Variants in NR3C2 observed in about 807,000 individuals in gnomAD.
NR3C2 encodes nuclear receptor subfamily 3 group C member 2, also known as mineralocorticoid receptor.
Under a neutral mutation model 86.4 loss-of-function variants are expected in NR3C2, and 15 were observed. The ratio of observed to expected loss-of-function variants is 0.17; its 90% CI spans 0.12 to 0.27. The LOEUF (loss-of-function observed/expected upper bound fraction) is 0.27. NR3C2 is among the 10% of genes least tolerant of loss of function. The pLI, the probability that NR3C2 is intolerant of heterozygous loss-of-function variation, is 1.00. For synonymous variants in NR3C2, 458 were observed against 450.5 expected, an observed-to-expected ratio of 1.02 and a Z score of -0.21; for missense variants, 960 against 1,195.6, an observed-to-expected ratio of 0.80 and a Z score of 2.91.
At chr4:148,125,830 A>G (rs1425899074) in intron 6 of NR3C2, among the ~76,000 whole-genome samples, 2 of 152,262 alleles carry the variant, frequency 1.3e-5, no homozygotes, top group African/African-American at 4.8e-5. Context: ...CTATGAAAAC[A>G]TACAGATTTG....
intron 2 of NR3C2, among the ~76,000 whole-genome samples, chr4:148,377,951 C>T (rs919374888): frequency 2.0e-5 from 3 of 152,058 alleles, no homozygotes; most frequent in African/African-American, 7.2e-5. Context: ...GCATGGAAGC[C>T]TTAGTGTCAA....
intron 2 of NR3C2, among the ~76,000 whole-genome samples, chr4:148,431,095 CCT>C (rs775593014): frequency 2.6e-5 from 4 of 152,116 alleles, no homozygotes; most frequent in East Asian, 3.9e-4. Context: ...ACAGAAATGC[CCT>C]GTTTCCATGA....
At chr4:148,337,253 T>C (rs1217575600) in intron 2 of NR3C2, among the ~76,000 whole-genome samples, 1 of 152,240 alleles carries the variant, frequency 6.6e-6, no homozygotes, top group East Asian at 1.9e-4. Context: ...TCTTTTTCAG[T>C]GGCATGGGAA....
intron 3 of NR3C2, among the ~76,000 whole-genome samples, chr4:148,214,856 A>G (rs1410796958): frequency 4.0e-5 from 6 of 151,742 alleles, no homozygotes; most frequent in Non-Finnish European, 7.3e-5. Flanking sequence ...GCAAATAATT[A>G]AAAACGTTAA....
At chr4:148,432,144 G>A (rs1431490955) in intron 2 of NR3C2, among the ~76,000 whole-genome samples, 1 of 152,124 alleles carries the variant, frequency 6.6e-6, no homozygotes, top group Non-Finnish European at 1.5e-5. Context: ...AATCCTTAGT[G>A]AGAAGAGTGG....
chr4:148,397,313 C>T lies in NR3C2; in HGVS notation c.1757+37791G>A, dbSNP rs61756943. Among the ~76,000 whole-genome samples the T allele has an allele frequency of 6.2e-3, 947 of 152,334 alleles. 1 individual carries two copies. The highest frequency in any genetic ancestry group is 9.9e-3 in the Non-Finnish European group (672 of 68,040). On this transcript the variant is annotated intron_variant, in intron 2 of 8. Coordinates refer to ENST00000358102, the MANE Select transcript of NR3C2 (RefSeq NM_000901.5). ...AGCCATGGGCTTTCATCTTGACTGT[C>T]CTTTCATCGTGGCTGACTGTCCTTC...
intron 2 of NR3C2, among the ~76,000 whole-genome samples, chr4:148,378,074 T>A (rs1746768014): frequency 6.6e-6 from 1 of 152,184 alleles, no homozygotes; most frequent in Admixed American, 6.5e-5. Context: ...TAATCACTGG[T>A]TCCTTCACAT....
intron 2 of NR3C2, among the ~76,000 whole-genome samples, chr4:148,406,105 G>A (rs539859946): frequency 1.3e-5 from 2 of 152,300 alleles, no homozygotes; most frequent in East Asian, 3.9e-4. Context: ...GACTGAGGCT[G>A]TAGTGAGTTG....
chr4:148,155,338 C>T lies in NR3C2; in HGVS notation c.2015-437G>A, dbSNP rs149231726. 3.4e-3 allele frequency among the ~76,000 whole-genome samples: 514 copies of T among 152,212 alleles called. 6 individuals are homozygous for T. Among genetic ancestry groups the T allele is most frequent in the African/African-American group, 0.011 (476 of 41,526 alleles). On this transcript the variant is annotated intron_variant, in intron 4 of 8. Coordinates refer to ENST00000358102, the MANE Select transcript of NR3C2 (RefSeq NM_000901.5). ...AAGTCAAATTGTCCCTGTTTGCAGA[C>T]GACATGATTGTATATCTAGAAAACC...
chr4:148,098,740 C>G (rs192206711), intron 8 of NR3C2, among the ~76,000 whole-genome samples: 20 of 152,272 alleles, frequency 1.3e-4, no homozygotes, highest in Non-Finnish European at 5.9e-5. Context: ...TGCAGTTTAA[C>G]CCACATATAC....
chr4:148,103,108 C>T (rs1446378497), intron 8 of NR3C2, among the ~76,000 whole-genome samples: 2 of 152,134 alleles, frequency 1.3e-5, no homozygotes, highest in South Asian at 2.1e-4. Flanking sequence ...GAATAGCTTC[C>T]ATCTATGTGG....
chr4:148,389,763 A>G (rs1459957927), intron 2 of NR3C2, among the ~76,000 whole-genome samples: 2 of 152,188 alleles, frequency 1.3e-5, no homozygotes, highest in Non-Finnish European at 2.9e-5. Context: ...CAAGTCTTAC[A>G]TATACATTAT....
chr4:148,235,399 G>T (rs1230909929), intron 3 of NR3C2, among the ~76,000 whole-genome samples: 1 of 151,764 alleles, frequency 6.6e-6, no homozygotes, highest in African/African-American at 2.4e-5. Flanking sequence ...GTAGAAGTGA[G>T]GTTATGGATA....
At chr4:148,129,988 T>C (rs1171853689) in intron 6 of NR3C2, among the ~76,000 whole-genome samples, 1 of 152,208 alleles carries the variant, frequency 6.6e-6, no homozygotes, top group Non-Finnish European at 1.5e-5. Flanking sequence ...TTTTATAATA[T>C]ACAAAATGTC....
intron 3 of NR3C2, among the ~76,000 whole-genome samples, chr4:148,230,608 A>G (rs1738411235): frequency 6.6e-6 from 1 of 152,164 alleles, no homozygotes; most frequent in Admixed American, 6.6e-5. Context: ...ATTGAAGTCA[A>G]TTTGTATAGG....
intron 2 of NR3C2, among the ~76,000 whole-genome samples, chr4:148,363,801 C>T (rs1269680092): frequency 1.3e-5 from 2 of 152,134 alleles, no homozygotes; most frequent in African/African-American, 2.4e-5. Flanking sequence ...CCGCGCCCAG[C>T]CGACTTTTCA....
chr4:148,246,651 A>G (rs1235553311), intron 3 of NR3C2, among the ~76,000 whole-genome samples: 1 of 152,160 alleles, frequency 6.6e-6, no homozygotes, highest in East Asian at 1.9e-4. Flanking sequence ...TCCCGGGTTC[A>G]AGCAATTCTC....
intron 4 of NR3C2, among the ~76,000 whole-genome samples, chr4:148,186,996 GTATATATATATATA>G (rs1162757665): frequency 0.06 from 1,615 of 27,132 alleles, 38 homozygotes; most frequent in African/African-American, 0.093. Flanking sequence ...GTGTATGTAT[GTATATATATATATA>G]TATATATATA....
intron 2 of NR3C2, among the ~76,000 whole-genome samples, chr4:148,323,234 G>C (rs1265112454): frequency 3.4e-4 from 48 of 139,756 alleles, no homozygotes; most frequent in Middle Eastern, 3.6e-3. Context: ...CAGTCTGCCC[G>C]TTCTCAGATC....
Sources: allele counts gnomAD v4.1 joint callset (sites outside exome capture counted in the v4.1 genomes callset), GRCh38; gene constraint gnomAD v4.1.1; transcripts MANE v1.5; gene names NCBI Gene and HGNC (gene_info 2026-07-23, HGNC 2026-07-21).